Variants in KAZN observed in about 807,000 individuals in gnomAD.
The protein encoded by KAZN is kazrin, periplakin interacting protein.
A neutral mutation model predicts 87.4 loss-of-function variants in KAZN; 40 were observed. The ratio of observed to expected loss-of-function variants is 0.46; its 90% CI spans 0.36 to 0.60. The LOEUF (loss-of-function observed/expected upper bound fraction) is 0.60, where lower values mean the gene tolerates loss of function less well. KAZN is among the 20% of genes least tolerant of loss of function. KAZN has a pLI of 0.00. For synonymous variants in KAZN, 466 were observed against 458.3 expected (o/e 1.02, Z -0.22); for missense variants, 898 against 1,073.9 (o/e 0.84, Z 2.29).
Position 14,194,294 on chromosome 1 carries a change from G to T in KAZN, c.249+13702G>T, listed in dbSNP as rs113738727. ...ACAGAGTCATGCTGCTACCCCAGGG[G>T]ACAAGTTGAGTCTCCCAGGATCCAG... is the stretch of plus-strand genomic sequence containing the variant. On this transcript the variant is annotated intron_variant, in intron 2 of 16. Transcript: ENST00000636203. Among the ~76,000 whole-genome samples the T allele has an allele frequency of 1.5e-3, 227 of 152,254 alleles. 1 individual carries two copies. The highest frequency in any genetic ancestry group is 5.4e-3 in the African/African-American group (223 of 41,546).
intron 1 of KAZN, among the ~76,000 whole-genome samples, chr1:14,957,741 A>G (rs1027868499): frequency 6.6e-6 from 1 of 152,190 alleles, no homozygotes; most frequent in Admixed American, 6.5e-5. Context: ...TGGCGAGTCT[A>G]GCGCCTTCCA....
intron 2 of KAZN, among the ~76,000 whole-genome samples, chr1:14,438,508 A>G (rs1235669412): frequency 6.6e-6 from 1 of 152,200 alleles, no homozygotes; most frequent in African/African-American, 2.4e-5. Context: ...TGGGGGAAGA[A>G]CATTCTAGAC....
At chr1:14,837,193 C>CTGT (rs1207590663) in intron 1 of KAZN, among the ~76,000 whole-genome samples, 1 of 152,140 alleles carries the variant, frequency 6.6e-6, no homozygotes, top group Non-Finnish European at 1.5e-5. Context: ...TACATCCCTG[C>CTGT]TGTTGTTGTT....
chr1:15,072,217 G>C (rs1417368985), intron 8 of KAZN, among the ~76,000 whole-genome samples: 1 of 152,160 alleles, frequency 6.6e-6, no homozygotes, highest in Non-Finnish European at 1.5e-5. Flanking sequence ...GTCTGAAAAG[G>C]GCTGGCCCCA....
chr1:14,299,253 A>G (rs542793810), intron 2 of KAZN, among the ~76,000 whole-genome samples: 1 of 152,346 alleles, frequency 6.6e-6, no homozygotes, highest in Non-Finnish European at 1.5e-5. Flanking sequence ...CTGTAATCCC[A>G]GCCCTTTGGG....
At chr1:14,131,486 G>A (rs1463611546) in intron 1 of KAZN, among the ~76,000 whole-genome samples, 2 of 152,092 alleles carry the variant, frequency 1.3e-5, no homozygotes, top group African/African-American at 4.8e-5. Context: ...AGTGTAGAAG[G>A]AGAAACCTTC....
intron 2 of KAZN, among the ~76,000 whole-genome samples, chr1:14,391,826 A>T (rs3949801): frequency 0.034 from 5,151 of 152,064 alleles, 301 homozygotes; most frequent in East Asian, 0.28. Context: ...TTCCCTTTTT[A>T]AAAAAATTTT....
rs139662493 is a variant in KAZN at position 14,678,747 on chromosome 1, G to A, written c.226+79524G>A. On this transcript the variant is annotated intron_variant, in intron 1 of 14. Transcript: ENST00000376030. ...AAACCAGTGAGTCCACCTTTACTCA[G>A]CAAGCCTTTGCTATGGCCCTACTCT... 2.7e-3 allele frequency among the ~76,000 whole-genome samples: 418 copies of A among 152,260 alleles called. 1 individual carries two copies. The highest frequency in any genetic ancestry group is 9.4e-3 in the African/African-American group (392 of 41,520).
At chr1:14,239,145 C>CA (rs1370382543) in intron 2 of KAZN, among the ~76,000 whole-genome samples, 5 of 152,214 alleles carry the variant, frequency 3.3e-5, no homozygotes, top group Admixed American at 2.6e-4. Flanking sequence ...AACCTCCCCT[C>CA]ATTTTCCGTA....
chr1:14,545,607 G>T (rs1673091391), intron 2 of KAZN, among the ~76,000 whole-genome samples: 1 of 152,142 alleles, frequency 6.6e-6, no homozygotes, highest in Non-Finnish European at 1.5e-5. Context: ...TAATAAGCAT[G>T]TATCTGTCCG....
intron 1 of KAZN, among the ~76,000 whole-genome samples, chr1:14,137,273 A>G (rs999184568): frequency 2.6e-5 from 4 of 152,190 alleles, no homozygotes; most frequent in African/African-American, 4.8e-5. Context: ...TCTTCAAAGC[A>G]ACACCACTGA....
At chr1:14,613,647 A>G (rs969414892) in intron 1 of KAZN, among the ~76,000 whole-genome samples, 5 of 152,232 alleles carry the variant, frequency 3.3e-5, no homozygotes, top group Admixed American at 2.0e-4. Context: ...ATATATTTGA[A>G]AACTAATGGT....
intron 1 of KAZN, among the ~76,000 whole-genome samples, chr1:14,619,583 G>A (rs1678532126): frequency 6.6e-6 from 1 of 152,072 alleles, no homozygotes; most frequent in Non-Finnish European, 1.5e-5. Flanking sequence ...GCAATTCACT[G>A]GCGTTAAAAG....
Position 15,114,693 on chromosome 1 carries a change from A to G in KAZN, c.*58A>G. 1.3e-6 allele frequency: 2 copies of G among 1,521,006 alleles called. No homozygotes were observed. Among genetic ancestry groups the G allele is most frequent in the Non-Finnish European group, 1.8e-6 (2 of 1,126,450 alleles). 94.2% of individuals were successfully genotyped at this position (1,521,006 alleles called of 1,614,324 possible). A position where few individuals can be genotyped will look rare whatever the true frequency, so the allele number is the denominator to read the frequency against. ...AGACCCAGGAAGGAAGAGAAGCCAGATGGCCCCAGGTGTCGTTCTCACTGT... is the reference window on the plus strand; with the variant it reads ...AGACCCAGGAAGGAAGAGAAGCCAGGTGGCCCCAGGTGTCGTTCTCACTGT... On this transcript the variant is annotated 3_prime_UTR_variant, in exon 15 of 15. Transcript: ENST00000376030.
At chr1:14,955,567 A>G (rs1314794939) in intron 1 of KAZN, among the ~76,000 whole-genome samples, 1 of 152,190 alleles carries the variant, frequency 6.6e-6, no homozygotes, top group African/African-American at 2.4e-5. Flanking sequence ...TGGTCTCCTA[A>G]GACTTGGCTC....
chr1:14,476,935 C>T (rs1375517451), intron 2 of KAZN, among the ~76,000 whole-genome samples: 2 of 152,206 alleles, frequency 1.3e-5, no homozygotes, highest in Admixed American at 1.3e-4. Flanking sequence ...GTTCCCTCTG[C>T]CTAGAGTGTT....
intron 2 of KAZN, among the ~76,000 whole-genome samples, chr1:14,524,290 GA>G (rs1045038780): frequency 1.3e-5 from 2 of 152,088 alleles, no homozygotes; most frequent in African/African-American, 4.8e-5. Flanking sequence ...CCGAAGTGCT[GA>G]GATTATAGGC....
intron 1 of KAZN, among the ~76,000 whole-genome samples, chr1:14,696,846 G>A (rs1276343759): frequency 6.6e-6 from 1 of 152,170 alleles, no homozygotes; most frequent in African/African-American, 2.4e-5. Flanking sequence ...AGGAGAAGCA[G>A]TGTCCCCTAG....
intron 1 of KAZN, among the ~76,000 whole-genome samples, chr1:14,121,807 G>A (rs1644757248): frequency 6.6e-6 from 1 of 152,224 alleles, no homozygotes; most frequent in Non-Finnish European, 1.5e-5. Context: ...ATAGGGAGGT[G>A]AGAATAAGCC....
Sources: allele counts gnomAD v4.1 joint callset (sites outside exome capture counted in the v4.1 genomes callset), GRCh38; gene constraint gnomAD v4.1.1; transcripts MANE v1.5; gene names NCBI Gene and HGNC (gene_info 2026-07-23, HGNC 2026-07-21).